Variants in DERL1 observed in about 807,000 individuals in gnomAD.
DERL1 encodes the protein derlin-1.
DERL1 carries 24 observed loss-of-function variants against 41.6 expected under a neutral mutation model. The ratio of observed to expected loss-of-function variants is 0.58; its 90% CI spans 0.42 to 0.81. The LOEUF is 0.81. DERL1 is among the 30% of genes least tolerant of loss of function. The pLI, the probability that DERL1 is intolerant of heterozygous loss-of-function variation, is 0.00. For synonymous variants in DERL1, 124 were observed against 112.5 expected (o/e 1.10, Z -0.65); for missense variants, 260 against 314.3 (o/e 0.83, Z 1.31).
At chr8:123,027,540 A>G (rs1279862626) in intron 2 of DERL1, among the ~76,000 whole-genome samples, 1 of 152,196 alleles carries the variant, frequency 6.6e-6, no homozygotes, top group Non-Finnish European at 1.5e-5. Flanking sequence ...GCTGTTAAAA[A>G]ATGCCTCTCA....
chr8:123,028,019 G>A (rs114537556), intron 2 of DERL1, among the ~76,000 whole-genome samples: 2,745 of 145,978 alleles, frequency 0.019, 83 homozygotes, highest in African/African-American at 0.065. Context: ...CTGAGATCAC[G>A]CTACTGCACT....
intron 1 of DERL1, among the ~76,000 whole-genome samples, chr8:123,041,415 T>C (rs1813062310): frequency 2.0e-5 from 3 of 152,222 alleles, no homozygotes; most frequent in African/African-American, 4.8e-5. Context: ...CATTCCTTCG[T>C]ACATTCTATT....
chr8:123,038,965 C>T (rs529643226), intron 1 of DERL1, among the ~76,000 whole-genome samples: 49 of 152,294 alleles, frequency 3.2e-4, no homozygotes, highest in Admixed American at 8.5e-4. Context: ...CATACCAGCC[C>T]CCACTCCCAA....
intron 6 of DERL1, among the ~76,000 whole-genome samples, chr8:123,020,796 C>CAAAAA (rs59816749): frequency 8.9e-6 from 1 of 112,390 alleles, no homozygotes; most frequent in African/African-American, 3.7e-5. Flanking sequence ...CTAAAAATCC[C>CAAAAA]AAAAAAAAAA....
chr8:123,042,116 C>T lies in DERL1; in HGVS notation c.7G>A (p.Asp3Asn), dbSNP rs759391999. The part of the protein sequence containing the change: MS[D>N]IGDWFRSIPA... The stretch of plus-strand genomic sequence containing the variant: ...ATGCTCCTGAACCAGTCTCCGATGT[C>T]CGACATCTTCGACCCACAGGTAGCC... The change falls in exon 1 of 8, where the codon GAC becomes AAC. Residue 3 changes from aspartate (D) to asparagine (N), a missense_variant. Physicochemically the swap from Asp to Asn is conservative, Grantham distance 23. Transcript: ENST00000259512. 1 of 1,607,536 alleles carries T rather than the reference C, an allele frequency of 6.2e-7. No homozygotes were observed. The highest frequency in any genetic ancestry group is 1.7e-4 in the Middle Eastern group (1 of 6,040).
chr8:123,041,913 C>A (rs1386295619), intron 1 of DERL1, 57 bp downstream of exon 1: 3 of 1,504,326 alleles, frequency 2.0e-6, no homozygotes, highest in Non-Finnish European at 2.7e-6. Flanking sequence ...CTACGCTTAG[C>A]CGCCGCTGGG....
chr8:123,025,093 C>T (rs780294916), intron 2 of DERL1, 43 bp from the exon 3 acceptor site: 16 of 1,597,430 alleles, frequency 1.0e-5, no homozygotes, highest in African/African-American at 8.1e-5. Flanking sequence ...CAGAATTTCA[C>T]AACAAAGTAA....
intron 7 of DERL1, chr8:123,018,659 G>T (rs1814651340): frequency 6.5e-6 from 1 of 152,752 alleles, no homozygotes; most frequent in Non-Finnish European, 1.5e-5. Flanking sequence ...AACCCTAAAA[G>T]CAGATAAAGA....
At chr8:123,018,362 TC>T (rs1814643755) in intron 7 of DERL1, 1 of 152,148 alleles carries the variant, frequency 6.6e-6, no homozygotes, top group Admixed American at 6.6e-5. Context: ...TGTGCGCGTC[TC>T]CTCTCAGATC....
chr8:123,020,464 A>G (rs1716645604), intron 6 of DERL1, among the ~76,000 whole-genome samples: 2 of 152,138 alleles, frequency 1.3e-5, no homozygotes, highest in South Asian at 4.1e-4. Flanking sequence ...TCGGTGACAG[A>G]GCCAGACCCC....
At chr8:123,037,560 T>C (rs1812954091) in intron 1 of DERL1, among the ~76,000 whole-genome samples, 1 of 152,212 alleles carries the variant, frequency 6.6e-6, no homozygotes, top group African/African-American at 2.4e-5. Flanking sequence ...ATTCAACTAC[T>C]TGAAATCTAA....
In DERL1 at chr8:123,020,796, C is replaced by CAAAAAAAAAAAAAA. The variant is rs59816749; in HGVS notation, c.506+637_506+650dup. On this transcript the variant is annotated intron_variant, in intron 6 of 7. Transcript: ENST00000259512. The stretch of plus-strand genomic sequence containing the variant: ...AAAACCCCATCTCTACTAAAAATCC[C>CAAAAAAAAAAAAAA]AAAAAAAAAAAAAAAAAAAAATAGC... Among the ~76,000 whole-genome samples, 2 of 112,394 alleles carry CAAAAAAAAAAAAAA rather than the reference C, an allele frequency of 1.8e-5. 1 individual carries two copies. 73.7% of individuals were successfully genotyped at this position (112,394 alleles called of 152,430 possible). A position where few individuals can be genotyped will look rare whatever the true frequency, so the allele number is the denominator to read the frequency against.
chr8:123,027,319 AT>A (rs55901927), intron 2 of DERL1, among the ~76,000 whole-genome samples: 36,850 of 59,574 alleles, frequency 0.62, 12,437 homozygotes, highest in South Asian at 0.73. Context: ...AAAAAAAAAA[AT>A]TTAGTGGTCT....
chr8:123,026,929 G>A (rs1051675045), intron 2 of DERL1, among the ~76,000 whole-genome samples: 5 of 152,272 alleles, frequency 3.3e-5, no homozygotes, highest in Admixed American at 3.3e-4. Flanking sequence ...AAAGACATAA[G>A]TCACAAAAGG....
Position 123,022,716 on chromosome 8 carries a change from T to C in DERL1, c.421A>G (p.Ile141Val). 1 of 1,614,060 alleles carries C rather than the reference T, an allele frequency of 6.2e-7. No individual in the cohort carries two copies. Among genetic ancestry groups the C allele is most frequent in the Non-Finnish European group, 8.5e-7 (1 of 1,179,994 alleles). The change falls in exon 5 of 8, where the codon ATT becomes GTT. Residue 141 changes from isoleucine to valine, a missense_variant. Physicochemically the swap from Ile to Val is conservative, Grantham distance 29. Transcript: ENST00000259512. ...CGTGTTCCAAACCAAAATGATACAA[T>C]CATGTCTCTGTTCAGCTGGGCCCAG... ...YVWAQLNRDM[I>V]VSFWFGTRFK...
At chr8:123,023,554 C>CATAA (rs199697709) in intron 4 of DERL1, among the ~76,000 whole-genome samples, 159 bp downstream of exon 4, 5,202 of 151,864 alleles carry the variant, frequency 0.034, 274 homozygotes, top group African/African-American at 0.12. Flanking sequence ...GACTCCATCT[C>CATAA]ATAAATAAAT....
Position 123,015,648 on chromosome 8 carries a change from T to G in DERL1, c.618-63A>C, listed in dbSNP as rs994634041. The stretch of plus-strand genomic sequence containing the variant: ...GAACAAAGTCACTTCCACATAGTTA[T>G]CTGACCTCCGAGAACACCTCCCTCT... On this transcript the variant is annotated intron_variant, in intron 7 of 7. Coordinates refer to ENST00000259512, the MANE Select transcript of DERL1 (RefSeq NM_024295.6). The G allele has an allele frequency of 5.2e-5, 79 of 1,524,334 alleles. 1 individual carries two copies. Among genetic ancestry groups the G allele is most frequent in the Non-Finnish European group, 5.3e-6 (6 of 1,134,524 alleles). 94.4% of individuals were successfully genotyped at this position (1,524,334 alleles called of 1,614,324 possible).
chr8:123,035,172 C>T (rs1812899924), intron 1 of DERL1, among the ~76,000 whole-genome samples: 1 of 152,198 alleles, frequency 6.6e-6, no homozygotes, highest in South Asian at 2.1e-4. Flanking sequence ...TCACTGTTTG[C>T]ACCTGTTCTT....
chr8:123,032,098 G>C (rs143781312), intron 1 of DERL1, among the ~76,000 whole-genome samples: 1,671 of 151,952 alleles, frequency 0.011, 27 homozygotes, highest in African/African-American at 0.037. Flanking sequence ...TTAAAAACCT[G>C]AGCATTTCCT....
Sources: allele counts gnomAD v4.1 joint callset (sites outside exome capture counted in the v4.1 genomes callset), GRCh38; gene constraint gnomAD v4.1.1; transcripts MANE v1.5; gene names NCBI Gene and HGNC (gene_info 2026-07-23, HGNC 2026-07-21).